Variants in TMC1 observed in about 807,000 individuals in gnomAD.
TMC1 encodes transmembrane channel-like protein 1.
Under a neutral mutation model 105.8 loss-of-function variants are expected in TMC1, and 84 were observed. That is an observed-to-expected ratio of 0.79 (90% CI 0.67 to 0.95). TMC1 has a LOEUF of 0.95. Ranked by LOEUF, TMC1 falls within the 40% of genes least tolerant of loss-of-function variation. The pLI is 0.00. For synonymous variants in TMC1, 315 were observed against 311.5 expected, an observed-to-expected ratio of 1.01 and a Z score of -0.12; for missense variants, 817 against 914.1, an observed-to-expected ratio of 0.89 and a Z score of 1.37.
At chr9:72,644,025 T>A (rs903930341) in intron 4 of TMC1, among the ~76,000 whole-genome samples, 1 of 152,182 alleles carries the variant, frequency 6.6e-6, no homozygotes, top group South Asian at 2.1e-4. Context: ...CCCTAGTGTC[T>A]AGTTATGTTG....
intron 7 of TMC1, among the ~76,000 whole-genome samples, 160 bp from the exon 8 acceptor site, chr9:72,700,358 C>T (rs543442409): frequency 9.2e-5 from 14 of 152,106 alleles, no homozygotes; most frequent in African/African-American, 3.4e-4. Context: ...AATCCTGCAT[C>T]AGTGTTCAGA....
At chr9:72,589,350 A>C (rs996133230) in intron 2 of TMC1, among the ~76,000 whole-genome samples, 1 of 152,250 alleles carries the variant, frequency 6.6e-6, no homozygotes, top group Admixed American at 6.5e-5. Flanking sequence ...TATTAATACA[A>C]TCTGGGTTTG....
intron 4 of TMC1, among the ~76,000 whole-genome samples, chr9:72,638,176 C>T (rs11143358): frequency 0.024 from 3,714 of 152,172 alleles, 137 homozygotes; most frequent in African/African-American, 0.083. Context: ...CCAGCCTGCC[C>T]ATACTATTCC....
chr9:72,755,703 G>A (rs1440540537), intron 12 of TMC1, among the ~76,000 whole-genome samples: 1 of 152,064 alleles, frequency 6.6e-6, no homozygotes, highest in East Asian at 1.9e-4. Flanking sequence ...TGAAATTGAG[G>A]AATTGATAAT....
At chr9:72,830,292 G>A (rs1829018659) in intron 21 of TMC1, among the ~76,000 whole-genome samples, 159 bp from the exon 22 acceptor site, 2 of 152,036 alleles carry the variant, frequency 1.3e-5, no homozygotes, top group African/African-American at 4.8e-5. Context: ...TACCTCTCTG[G>A]ACCTCAGCTT....
intron 1 of TMC1, among the ~76,000 whole-genome samples, chr9:72,572,568 A>G (rs571063793): frequency 3.3e-5 from 5 of 152,356 alleles, no homozygotes; most frequent in East Asian, 3.9e-4. Context: ...GGAGGTGCCC[A>G]TAGTCAACCA....
At chr9:72,821,511 A>G (rs1828872287) in intron 20 of TMC1, among the ~76,000 whole-genome samples, 1 of 152,092 alleles carries the variant, frequency 6.6e-6, no homozygotes, top group Non-Finnish European at 1.5e-5. Context: ...TCAAAAAAAA[A>G]AAAAAAGAAA....
At chr9:72,529,168 G>T (rs571798976) in intron 1 of TMC1, among the ~76,000 whole-genome samples, 1 of 151,240 alleles carries the variant, frequency 6.6e-6, no homozygotes, top group Admixed American at 6.6e-5. Flanking sequence ...GGCGGGTGGG[G>T]CGGTGGGTGG....
At chr9:72,582,390 C>A (rs936255714) in intron 2 of TMC1, among the ~76,000 whole-genome samples, 4 of 152,216 alleles carry the variant, frequency 2.6e-5, no homozygotes, top group Non-Finnish European at 5.9e-5. Context: ...ACCTTCCCCC[C>A]AGCCCACCAG....
intron 5 of TMC1, among the ~76,000 whole-genome samples, chr9:72,656,510 C>G (rs1182909523): frequency 6.6e-6 from 1 of 151,954 alleles, no homozygotes. Flanking sequence ...TTCTCATTGT[C>G]TTAAACATTT....
chr9:72,725,363 A>G lies in TMC1; in HGVS notation c.363-14756A>G, dbSNP rs971937999. On this transcript the variant is annotated intron_variant, in intron 8 of 23. Transcript: ENST00000297784. ...TATATATATATATATATATATATATATATATGTATATACACACACACATGC... is the reference window on the plus strand; with the variant it reads ...TATATATATATATATATATATATATGTATATGTATATACACACACACATGC... 5.5e-3 allele frequency among the ~76,000 whole-genome samples: 456 copies of G among 82,986 alleles called. 7 individuals carry two copies. The highest frequency in any genetic ancestry group is 0.023 in the African/African-American group (435 of 19,150). The allele number at this position is 82,986 out of a possible 152,430, so 54.4% of individuals were successfully genotyped here.
chr9:72,644,099 A>G (rs1452214568), intron 4 of TMC1, among the ~76,000 whole-genome samples: 1 of 152,038 alleles, frequency 6.6e-6, no homozygotes, highest in African/African-American at 2.4e-5. Context: ...TTAATAATTG[A>G]TACATTTTTT....
intron 2 of TMC1, among the ~76,000 whole-genome samples, chr9:72,594,791 G>T (rs554417162): frequency 6.6e-6 from 1 of 151,760 alleles, no homozygotes; most frequent in Admixed American, 6.6e-5. Flanking sequence ...GCTACAATTC[G>T]AAAAGGAGAG....
At chr9:72,828,776 A>C (rs1828997938) in intron 21 of TMC1, among the ~76,000 whole-genome samples, 1 of 152,202 alleles carries the variant, frequency 6.6e-6, no homozygotes, top group Non-Finnish European at 1.5e-5. Context: ...CAGGGATCAG[A>C]ATCAGTGGGA....
chr9:72,522,256 C>CA (rs375532582), intron 1 of TMC1, among the ~76,000 whole-genome samples: 5,717 of 151,830 alleles, frequency 0.038, 146 homozygotes, highest in Middle Eastern at 0.088. Context: ...CGCCCGCCAT[C>CA]ACGCCCGGCT....
intron 18 of TMC1, among the ~76,000 whole-genome samples, chr9:72,807,235 AG>A (rs1386559256): frequency 1.3e-5 from 2 of 152,160 alleles, no homozygotes; most frequent in African/African-American, 4.8e-5. Flanking sequence ...CATGAGAGGG[AG>A]ACCGTGGAAA....
intron 13 of TMC1, among the ~76,000 whole-genome samples, chr9:72,780,361 A>AT (rs1828074307): frequency 6.6e-6 from 1 of 152,246 alleles, no homozygotes; most frequent in Non-Finnish European, 1.5e-5. Context: ...TCAAGTCCAC[A>AT]TAACAACCAA....
At position 72,554,893 on chromosome 9, in the gene TMC1, T is replaced by A. The variant is rs745568211; in HGVS notation, c.-427-23009T>A. On this transcript the variant is annotated intron_variant, in intron 1 of 23. Transcript: ENST00000297784. ...TTCTGAAATTATTATTATTATTATT[T>A]TTTGAGATGGAGTCTCACTCTGCTG... Among the ~76,000 whole-genome samples the A allele has an allele frequency of 1.1e-4, 17 of 152,174 alleles. No homozygotes were observed. The Middle Eastern group carries it at 0.014, about 122-fold the overall frequency.
In TMC1 at chr9:72,816,335, A is replaced by T; in HGVS notation, c.1763+125A>T. 2.1e-5 allele frequency: 18 copies of T among 868,080 alleles called. 1 individual carries two copies. The South Asian group carries it at 2.5e-4, about 12-fold the overall frequency. The allele number at this position is 868,080 out of a possible 1,614,324, so 53.8% of individuals were successfully genotyped here. On this transcript the variant is annotated intron_variant, in intron 19 of 23. Coordinates refer to ENST00000297784, the MANE Select transcript of TMC1 (RefSeq NM_138691.3). ...TGTCTAACTCCATATTTACTTTTGC[A>T]AAGTGGATGCCTGTATATAGTTTCC...
Sources: gnomAD v4.1 joint callset for allele counts (sites outside exome capture counted in the v4.1 genomes callset) on GRCh38, gnomAD v4.1.1 for gene constraint, MANE v1.5 for transcripts, NCBI Gene and HGNC (gene_info 2026-07-23, HGNC 2026-07-21) for gene names.